Variants in SPTBN1 observed in about 807,000 individuals in gnomAD.
SPTBN1 encodes spectrin beta chain, non-erythrocytic 1.
A neutral mutation model predicts 266.4 loss-of-function variants in SPTBN1; 32 were observed. The observed-to-expected ratio is 0.12, with a 90% CI of 0.09 to 0.16. The LOEUF (loss-of-function observed/expected upper bound fraction) is 0.16. SPTBN1 is among the 10% of genes least tolerant of loss of function. The pLI is 1.00. For missense variants in SPTBN1, 2,296 were observed against 3,067.1 expected (o/e 0.75, Z 5.94); for synonymous variants, 1,336 against 1,162.2 (o/e 1.15, Z -3.04).
intron 1 of SPTBN1, among the ~76,000 whole-genome samples, chr2:54,468,774 G>A (rs1045035921): frequency 1.3e-5 from 2 of 152,172 alleles, no homozygotes; most frequent in African/African-American, 4.8e-5. Context: ...GTTTTGTTCT[G>A]AAGGGAATTC....
chr2:54,641,412 G>A (rs976143319), intron 18 of SPTBN1, among the ~76,000 whole-genome samples: 1 of 152,178 alleles, frequency 6.6e-6, no homozygotes, highest in East Asian at 1.9e-4. Context: ...TGTATGTACA[G>A]AATACTGGGA....
chr2:54,595,362 G>A (rs1335710961), intron 2 of SPTBN1, among the ~76,000 whole-genome samples: 1 of 152,214 alleles, frequency 6.6e-6, no homozygotes, highest in African/African-American at 2.4e-5. Context: ...GCACAGAAGT[G>A]CTTGTTCCTT....
intron 32 of SPTBN1, chr2:54,661,187 C>A (rs1572777594): frequency 1.0e-6 from 1 of 985,438 alleles, no homozygotes; most frequent in African/African-American, 1.7e-5. Flanking sequence ...AGGATGGTAT[C>A]TATCAGGCCA....
chr2:54,639,677 A>G (rs1398496809), intron 18 of SPTBN1, among the ~76,000 whole-genome samples: 1 of 152,240 alleles, frequency 6.6e-6, no homozygotes, highest in African/African-American at 2.4e-5. Context: ...ATCACAGGAA[A>G]TGGTCAGTCT....
chr2:54,659,412 A>G (rs988216248), intron 31 of SPTBN1, 146 bp downstream of exon 31: 5 of 767,360 alleles, frequency 6.5e-6, no homozygotes, highest in Middle Eastern at 3.9e-4. Flanking sequence ...AAGGCTGTAC[A>G]GTTATCCCTA....
chr2:54,491,151 G>A (rs2104015062), intron 1 of SPTBN1, among the ~76,000 whole-genome samples: 1 of 152,282 alleles, frequency 6.6e-6, no homozygotes, highest in South Asian at 2.1e-4. Flanking sequence ...CCTTACTAAG[G>A]TCAAGGTTAG....
intron 1 of SPTBN1, among the ~76,000 whole-genome samples, chr2:54,522,748 AGTT>A (rs1670560953): frequency 2.0e-5 from 3 of 151,958 alleles, no homozygotes; most frequent in Non-Finnish European, 4.4e-5. Context: ...TGTGGAAAGC[AGTT>A]GTTGGTTCAG....
In SPTBN1 at chr2:54,579,976, C is replaced by T. The variant is rs527271009; in HGVS notation, c.149-19116C>T. Among the ~76,000 whole-genome samples, 17 of 152,340 alleles carry T rather than the reference C, an allele frequency of 1.1e-4. No individual in the cohort carries two copies. The South Asian group carries it at 1.5e-3, about 13-fold the overall frequency. On this transcript the variant is annotated intron_variant, in intron 2 of 35. Coordinates refer to ENST00000356805, the MANE Select transcript of SPTBN1 (RefSeq NM_003128.3). Reference sequence around the variant, plus strand: ...AAAAGCTGCTGGTGAGAACGGCTCTCTGGTGTTGCTAGGACAGACCTGTAT... The same window carrying T: ...AAAAGCTGCTGGTGAGAACGGCTCTTTGGTGTTGCTAGGACAGACCTGTAT...
At chr2:54,606,637 G>A (rs1437649234) in intron 3 of SPTBN1, among the ~76,000 whole-genome samples, 2 of 151,708 alleles carry the variant, frequency 1.3e-5, no homozygotes, top group African/African-American at 2.4e-5. Context: ...GCTGTGAATA[G>A]TCACGTTTCA....
intron 1 of SPTBN1, among the ~76,000 whole-genome samples, chr2:54,493,275 G>A (rs528237893): frequency 6.6e-5 from 10 of 151,986 alleles, no homozygotes; most frequent in Non-Finnish European, 1.0e-4. Context: ...CAAAGTGTTG[G>A]AATTACAGGC....
chr2:54,580,325 TA>T (rs1674805272), intron 2 of SPTBN1, among the ~76,000 whole-genome samples: 1 of 152,238 alleles, frequency 6.6e-6, no homozygotes, highest in African/African-American at 2.4e-5. Flanking sequence ...TATGTAGAAC[TA>T]AAAAGCATCT....
chr2:54,523,564 A>T (rs1376566579), intron 1 of SPTBN1, among the ~76,000 whole-genome samples: 1 of 152,292 alleles, frequency 6.6e-6, no homozygotes, highest in East Asian at 1.9e-4. Flanking sequence ...AGGTGCAGTT[A>T]ATTTGTTTCA....
chr2:54,656,615 C>T (rs552193679), intron 29 of SPTBN1, among the ~76,000 whole-genome samples: 2 of 152,264 alleles, frequency 1.3e-5, no homozygotes, highest in East Asian at 3.9e-4. Context: ...GCATTGCTTA[C>T]CATGCTTTGC....
chr2:54,662,892 C>T (rs983237521), intron 32 of SPTBN1: 4 of 152,232 alleles, frequency 2.6e-5, no homozygotes, highest in Non-Finnish European at 5.9e-5. Flanking sequence ...TGCGCACACA[C>T]ACCCCCACAA....
At chr2:54,612,021 A>T in intron 3 of SPTBN1, 140 bp from the exon 4 acceptor site, 3 of 787,354 alleles carry the variant, frequency 3.8e-6, no homozygotes, top group Non-Finnish European at 5.8e-6. Flanking sequence ...CCTTGGACTT[A>T]ATGAGTACAT....
chr2:54,602,446 A>G (rs1478715671), intron 3 of SPTBN1, among the ~76,000 whole-genome samples: 1 of 152,132 alleles, frequency 6.6e-6, no homozygotes. Context: ...CTCATAATCC[A>G]CTTTAGATGC....
intron 2 of SPTBN1, among the ~76,000 whole-genome samples, chr2:54,560,186 G>GT (rs1236742587): frequency 8.5e-5 from 11 of 128,788 alleles, no homozygotes; most frequent in Non-Finnish European, 1.4e-4. Context: ...AGGAGTTGGG[G>GT]TGGGGGGGGG....
At chr2:54,457,014 G>C (rs1248033287) in intron 1 of SPTBN1, among the ~76,000 whole-genome samples, 1 of 151,716 alleles carries the variant, frequency 6.6e-6, no homozygotes, top group East Asian at 1.9e-4. Context: ...GGCGGTGACA[G>C]GGCCGGGCTC....
At chr2:54,553,641 A>T (rs6757017) in intron 2 of SPTBN1, among the ~76,000 whole-genome samples, 8,321 of 152,288 alleles carry the variant, frequency 0.055, 674 homozygotes, top group African/African-American at 0.18. Context: ...ACACAATCCT[A>T]TATGAAACTT....
Sources: gnomAD v4.1 joint callset for allele counts (sites outside exome capture counted in the v4.1 genomes callset) on GRCh38, gnomAD v4.1.1 for gene constraint, MANE v1.5 for transcripts, NCBI Gene and HGNC (gene_info 2026-07-23, HGNC 2026-07-21) for gene names.